TMEM181: variants seen among roughly 807,000 people sequenced by gnomAD.
TMEM181 encodes the protein transmembrane protein 181.
TMEM181 carries 39 observed loss-of-function variants against 71.9 expected under a neutral mutation model. The ratio of observed to expected loss-of-function variants is 0.54; its 90% CI spans 0.42 to 0.71. TMEM181 has a LOEUF of 0.71. Ranked by LOEUF, TMEM181 falls within the 30% of genes least tolerant of loss-of-function variation. The pLI is 0.00. For synonymous variants in TMEM181, 245 were observed against 228.8 expected, an observed-to-expected ratio of 1.07 and a Z score of -0.64; for missense variants, 595 against 583.0, an observed-to-expected ratio of 1.02 and a Z score of -0.21.
intron 15 of TMEM181, among the ~76,000 whole-genome samples, chr6:158,630,088 T>A (rs1786575354): frequency 6.6e-6 from 1 of 152,230 alleles, no homozygotes. Context: ...GTTTGGGATT[T>A]TTTGACTTTA....
intron 6 of TMEM181, among the ~76,000 whole-genome samples, chr6:158,595,803 G>T (rs192715319): frequency 6.6e-6 from 1 of 152,170 alleles, no homozygotes; most frequent in African/African-American, 2.4e-5. Flanking sequence ...AGCATCAAGC[G>T]GGGGGCTTCT....
intron 3 of TMEM181, among the ~76,000 whole-genome samples, chr6:158,582,760 ACTCT>A (rs1233586247): frequency 6.6e-6 from 1 of 151,684 alleles, no homozygotes; most frequent in Non-Finnish European, 1.5e-5. Flanking sequence ...TGCTTCAGTA[ACTCT>A]CTCTGTGGCC....
intron 1 of TMEM181, among the ~76,000 whole-genome samples, chr6:158,548,166 CG>C (rs1781597753): frequency 6.6e-6 from 1 of 152,122 alleles, no homozygotes; most frequent in African/African-American, 2.4e-5. Context: ...AGATTGTTTC[CG>C]AACACAGTAG....
chr6:158,625,984 G>A (rs1786253991), intron 13 of TMEM181, among the ~76,000 whole-genome samples: 1 of 152,178 alleles, frequency 6.6e-6, no homozygotes, highest in Admixed American at 6.5e-5. Context: ...TTGCACACTC[G>A]GCCCGCGCTG....
chr6:158,613,967 T>C (rs142579166), intron 10 of TMEM181, among the ~76,000 whole-genome samples: 17 of 152,354 alleles, frequency 1.1e-4, no homozygotes, highest in South Asian at 2.1e-4. Context: ...AATTTGGTTA[T>C]TTCTGTGGTT....
At chr6:158,624,130 G>GT (rs1786131140) in intron 11 of TMEM181, among the ~76,000 whole-genome samples, 1 of 152,212 alleles carries the variant, frequency 6.6e-6, no homozygotes, top group Non-Finnish European at 1.5e-5. Context: ...TTGAGGCCCT[G>GT]TCACTGTGGT....
At chr6:158,619,868 A>C (rs1785852351) in intron 10 of TMEM181, among the ~76,000 whole-genome samples, 1 of 38,840 alleles carries the variant, frequency 2.6e-5, no homozygotes, top group African/African-American at 1.6e-4. Flanking sequence ...ACTCCGTCTC[A>C]AAAAAAAAAA....
intron 6 of TMEM181, among the ~76,000 whole-genome samples, chr6:158,592,038 G>A (rs868005099): frequency 2.0e-5 from 3 of 152,176 alleles, no homozygotes; most frequent in African/African-American, 7.2e-5. Flanking sequence ...TTACACCACA[G>A]CCAGAGCCTC....
At chr6:158,602,017 C>A (rs1784696833) in intron 6 of TMEM181, among the ~76,000 whole-genome samples, 1 of 152,104 alleles carries the variant, frequency 6.6e-6, no homozygotes, top group Non-Finnish European at 1.5e-5. Context: ...GGAAGCCGTT[C>A]CCACAATCAA....
intron 1 of TMEM181, among the ~76,000 whole-genome samples, chr6:158,552,078 C>T (rs200397978): frequency 1.3e-5 from 2 of 152,012 alleles, no homozygotes; most frequent in Non-Finnish European, 2.9e-5. Context: ...GAGTGGTAAT[C>T]GAAAGATTTT....
intron 6 of TMEM181, among the ~76,000 whole-genome samples, chr6:158,603,850 C>G (rs766372243): frequency 1.3e-5 from 2 of 152,092 alleles, no homozygotes; most frequent in Non-Finnish European, 2.9e-5. Flanking sequence ...TGGTTCAATG[C>G]CAGACATTAT....
chr6:158,632,125 T>G lies in TMEM181; in HGVS notation c.*237T>G. The G allele has an allele frequency of 2.0e-6, 1 of 512,258 alleles. No homozygotes were observed. Among genetic ancestry groups the G allele is most frequent in the South Asian group, 2.5e-5 (1 of 39,396 alleles). The allele number at this position is 512,258 out of a possible 1,614,324, so 31.7% of individuals were successfully genotyped here. On this transcript the variant is annotated 3_prime_UTR_variant, in exon 17 of 17. Transcript: ENST00000684151. Reference sequence around the variant, plus strand: ...ATAACAAGTTTCAACAGCCAAATCCTTTTTTACAGAGATTTCAGATGAGCG... The same window carrying G: ...ATAACAAGTTTCAACAGCCAAATCCGTTTTTACAGAGATTTCAGATGAGCG...
At chr6:158,610,195 T>G (rs1370842826) in intron 10 of TMEM181, 1 of 228,392 alleles carries the variant, frequency 4.4e-6, no homozygotes, top group African/African-American at 2.3e-5. Context: ...GTAGGAGTAA[T>G]TGAAGCCTGT....
chr6:158,625,574 C>T, intron 12 of TMEM181, 129 bp from the exon 13 acceptor site: 1 of 837,528 alleles, frequency 1.2e-6, no homozygotes, highest in African/African-American at 1.7e-5. Context: ...CTGCTGGCGA[C>T]TCCGGCTAAG....
chr6:158,603,251 T>C (rs1296235315), intron 6 of TMEM181, among the ~76,000 whole-genome samples: 1 of 152,192 alleles, frequency 6.6e-6, no homozygotes, highest in Non-Finnish European at 1.5e-5. Flanking sequence ...ACTGGTTTTG[T>C]GGAAGACAAT....
chr6:158,581,229 T>A (rs1169324708), intron 3 of TMEM181, among the ~76,000 whole-genome samples: 1 of 152,208 alleles, frequency 6.6e-6, no homozygotes, highest in Non-Finnish European at 1.5e-5. Flanking sequence ...GTGTTACCTC[T>A]TAGGGAGCAG....
At chr6:158,592,592 C>T (rs888351044) in intron 6 of TMEM181, among the ~76,000 whole-genome samples, 3 of 152,056 alleles carry the variant, frequency 2.0e-5, no homozygotes, top group Non-Finnish European at 2.9e-5. Context: ...CCTGCCTTAG[C>T]CTCCCTAGTA....
chr6:158,553,960 G>A (rs762084910), intron 1 of TMEM181, among the ~76,000 whole-genome samples: 6 of 151,708 alleles, frequency 4.0e-5, no homozygotes, highest in Non-Finnish European at 7.4e-5. Context: ...AGGCTGGAGC[G>A]TAATGGCACC....
upstream of TMEM181, chr6:158,559,943 C>T (rs1181304829): frequency 1.8e-6 from 1 of 564,698 alleles, no homozygotes; most frequent in Non-Finnish European, 2.2e-6. Flanking sequence ...CCTGGGTGCT[C>T]CCGGCCGTGG....
Sources: gnomAD v4.1 joint callset for allele counts (sites outside exome capture counted in the v4.1 genomes callset) on GRCh38, gnomAD v4.1.1 for gene constraint, MANE v1.5 for transcripts, NCBI Gene and HGNC (gene_info 2026-07-23, HGNC 2026-07-21) for gene names.